SEM1: variants seen among roughly 807,000 people sequenced by gnomAD.
SEM1 encodes the protein 26S proteasome complex subunit SEM1.
SEM1 carries 3 observed loss-of-function variants against 12.7 expected under a neutral mutation model. That is an observed-to-expected ratio of 0.24 (90% CI 0.11 to 0.61). SEM1 has a LOEUF of 0.61. Among genes scored for constraint, SEM1 ranks in the 20% least tolerant of loss-of-function variants. The pLI, the probability that SEM1 is intolerant of heterozygous loss-of-function variation, is 0.88. For synonymous variants in SEM1, 30 were observed against 27.8 expected (o/e 1.08, Z -0.25); for missense variants, 59 against 81.3 (o/e 0.73, Z 1.06).
chr7:96,639,250 T>C (rs1272845893), intron 2 of SEM1, among the ~76,000 whole-genome samples: 1 of 151,998 alleles, frequency 6.6e-6, no homozygotes, highest in Non-Finnish European at 1.5e-5. Flanking sequence ...GGAAGTTTCA[T>C]TTTATTCCCT....
chr7:96,688,471 T>C (rs1294371202), downstream of SEM1: 1 of 152,228 alleles, frequency 6.6e-6, no homozygotes, highest in Non-Finnish European at 1.5e-5. Context: ...TGTCAGCAAA[T>C]GTTGCCTAAG....
At position 96,640,032 on chromosome 7, in the gene SEM1, T is replaced by C. The variant is rs1808544708; in HGVS notation, c.171-17389A>G. 6.6e-6 allele frequency among the ~76,000 whole-genome samples: 1 copy of C among 151,960 alleles called. No individual in the cohort carries two copies. The highest frequency in any genetic ancestry group is 2.4e-5 in the African/African-American group (1 of 41,406). On this transcript the variant is annotated intron_variant, in intron 2 of 2. Transcript: ENST00000417009. The surrounding 1 kb of genome is among the most constrained non-coding windows in gnomAD (Gnocchi z 4.0). Reference sequence around the variant, plus strand: ...GCAATACAATATCGCTACACACCTATTATAATGGCCAAAATCCAGAACACT... The same window carrying C: ...GCAATACAATATCGCTACACACCTACTATAATGGCCAAAATCCAGAACACT...
At chr7:96,588,397 C>CACGA (rs1554421050) in intron 2 of SEM1, among the ~76,000 whole-genome samples, 2 of 72,220 alleles carry the variant, frequency 2.8e-5, no homozygotes, top group African/African-American at 9.3e-5. Flanking sequence ...CACACACACA[C>CACGA]GAGAGAGAGA....
At chr7:96,499,500 A>G (rs1803430056), upstream of SEM1, among the ~76,000 whole-genome samples, 1 of 152,172 alleles carries the variant, frequency 6.6e-6, no homozygotes, top group Non-Finnish European at 1.5e-5. Flanking sequence ...GAACTGCATG[A>G]GGGTTCCTTA....
intron 2 of SEM1, among the ~76,000 whole-genome samples, chr7:96,551,705 C>CAAAAA (rs56316029): frequency 1.1e-4 from 9 of 84,036 alleles, no homozygotes; most frequent in African/African-American, 1.4e-4. Flanking sequence ...GACTCTGTCT[C>CAAAAA]AAAAAAAAAA....
chr7:96,523,891 C>T (rs1043582469), intron 2 of SEM1, among the ~76,000 whole-genome samples: 2 of 152,068 alleles, frequency 1.3e-5, no homozygotes, highest in Non-Finnish European at 2.9e-5. Flanking sequence ...TGATGCATCT[C>T]ACCCCTTTCA....
intron 2 of SEM1, among the ~76,000 whole-genome samples, chr7:96,627,271 T>C (rs903027941): frequency 7.2e-5 from 11 of 152,012 alleles, no homozygotes; most frequent in Admixed American, 7.2e-4. Flanking sequence ...ATTTCTGCTC[T>C]GATCTTTATT....
intron 1 of SEM1, among the ~76,000 whole-genome samples, chr7:96,704,725 T>C (rs776695496): frequency 1.4e-4 from 21 of 152,214 alleles, no homozygotes; most frequent in Non-Finnish European, 2.5e-4. Flanking sequence ...CATTTAATAA[T>C]GCAAAAACAG....
At chr7:96,653,601 T>A (rs527580594) in intron 2 of SEM1, 1 of 152,340 alleles carries the variant, frequency 6.6e-6, no homozygotes, top group South Asian at 2.1e-4. Flanking sequence ...TGATAGTTGA[T>A]AACAACCTGT....
rs1021488263 is a variant in SEM1 at position 96,622,735 on chromosome 7, T to G, written c.171-92A>C. ...GACCATCTGATCAGTGGAAAAGCCATGTAGATCATAAAATCACTTAATACC... is the reference window on the plus strand; with the variant it reads ...GACCATCTGATCAGTGGAAAAGCCAGGTAGATCATAAAATCACTTAATACC... On this transcript the variant is annotated intron_variant, in intron 2 of 2. Coordinates refer to the SEM1 transcript ENST00000417009. The G allele has an allele frequency of 1.0e-5, 7 of 701,846 alleles. No individual in the cohort carries two copies. In the Admixed American group the frequency reaches 1.4e-4, roughly 14 times the overall value. 43.5% of individuals were successfully genotyped at this position (701,846 alleles called of 1,614,324 possible).
At chr7:96,482,732 T>C (rs1278963613) in exon 4 of SEM1, 1 of 152,172 alleles carries the variant, frequency 6.6e-6, no homozygotes, top group East Asian at 1.9e-4. Context: ...GTTTTCCTAA[T>C]GGATATGGCA....
intron 2 of SEM1, among the ~76,000 whole-genome samples, chr7:96,590,899 T>G (rs1806808876): frequency 6.6e-6 from 1 of 152,234 alleles, no homozygotes; most frequent in East Asian, 1.9e-4. Context: ...GGAATGTGGT[T>G]CCCTAGGTGA....
At chr7:96,608,209 C>G (rs1375862484) in intron 2 of SEM1, among the ~76,000 whole-genome samples, 1 of 152,030 alleles carries the variant, frequency 6.6e-6, no homozygotes, top group Non-Finnish European at 1.5e-5. Context: ...ACATGTTGAG[C>G]CCAGGGAAGT....
intron 2 of SEM1, among the ~76,000 whole-genome samples, chr7:96,660,812 G>A (rs1788979464): frequency 6.6e-6 from 1 of 151,950 alleles, no homozygotes; most frequent in Non-Finnish European, 1.5e-5. Context: ...CTGACCAAAT[G>A]CAGCAATTCT....
chr7:96,542,935 A>C (rs1804999768), intron 2 of SEM1, among the ~76,000 whole-genome samples: 1 of 151,984 alleles, frequency 6.6e-6, no homozygotes. Context: ...TACAATGTAA[A>C]TTTTCAAGAA....
intron 2 of SEM1, among the ~76,000 whole-genome samples, chr7:96,561,522 G>A (rs543807461): frequency 1.3e-5 from 2 of 152,296 alleles, no homozygotes; most frequent in East Asian, 3.9e-4. Context: ...ACCTGCTGCC[G>A]CTTCTCACTG....
At chr7:96,509,956 A>G (rs1803886701) in intron 2 of SEM1, among the ~76,000 whole-genome samples, 1 of 152,110 alleles carries the variant, frequency 6.6e-6, no homozygotes, top group Non-Finnish European at 1.5e-5. Context: ...ATAGATGAAA[A>G]TGTTCTGGGG....
intron 2 of SEM1, among the ~76,000 whole-genome samples, chr7:96,590,240 T>G (rs1244105422): frequency 6.6e-6 from 1 of 152,106 alleles, no homozygotes; most frequent in Non-Finnish European, 1.5e-5. Context: ...AAATTTGAGT[T>G]TCAGATAAAC....
At chr7:96,510,250 T>C (rs1803895397) in intron 2 of SEM1, among the ~76,000 whole-genome samples, 6 of 152,130 alleles carry the variant, frequency 3.9e-5, no homozygotes, top group Admixed American at 3.9e-4. Flanking sequence ...CACTTAACAA[T>C]GGGGATATGT....
Sources: gnomAD v4.1 joint callset for allele counts (sites outside exome capture counted in the v4.1 genomes callset) on GRCh38, gnomAD v4.1.1 for gene constraint, Gnocchi (gnomAD v3.1) non-coding constraint, MANE v1.5 for transcripts, NCBI Gene and HGNC (gene_info 2026-07-23, HGNC 2026-07-21) for gene names.